The following ATP8A2 variants were observed in gnomAD, a reference collection of about 807,000 sequenced individuals.
ATP8A2 encodes ATPase phospholipid transporting 8A2, also known as phospholipid-transporting ATPase IB.
ATP8A2 carries 100 observed loss-of-function variants against 165.6 expected under a neutral mutation model. That is an observed-to-expected ratio of 0.60 (90% CI 0.51 to 0.71). The LOEUF is 0.71. ATP8A2 is among the 30% of genes least tolerant of loss of function. The pLI is 0.00. For synonymous variants in ATP8A2, 543 were observed against 548.8 expected, an observed-to-expected ratio of 0.99 and a Z score of 0.15; for missense variants, 1,227 against 1,479.5, an observed-to-expected ratio of 0.83 and a Z score of 2.80.
At chr13:25,411,645 A>T (rs112357856) in intron 1 of ATP8A2, among the ~76,000 whole-genome samples, 3 of 152,236 alleles carry the variant, frequency 2.0e-5, no homozygotes, top group African/African-American at 4.8e-5. Flanking sequence ...TGTTTTAAAA[A>T]AATACTGCAT....
At chr13:25,686,306 G>A (rs1469133821) in intron 24 of ATP8A2, among the ~76,000 whole-genome samples, 1 of 152,176 alleles carries the variant, frequency 6.6e-6, no homozygotes, top group Non-Finnish European at 1.5e-5. Flanking sequence ...TGAGGGGCAG[G>A]AACATGATGC....
In ATP8A2 at chr13:25,555,077, GC is replaced by G. The variant is rs1426917266; in HGVS notation, c.1263+11del. On this transcript the variant is annotated intron_variant, in intron 13 of 36. Coordinates refer to ENST00000381655, the MANE Select transcript of ATP8A2 (RefSeq NM_016529.6). ...ATGAAGAGCTTGGGCAGGTGAAAAA[GC>G]CTCTGGGAACTTTGGGAATGGTGAC... The G allele has an allele frequency of 1.9e-6, 3 of 1,604,230 alleles. No individual in the cohort carries two copies. The South Asian group carries it at 3.3e-5, about 18-fold the overall frequency.
intron 27 of ATP8A2, among the ~76,000 whole-genome samples, chr13:25,784,697 A>T (rs888981733): frequency 6.6e-6 from 1 of 152,142 alleles, no homozygotes; most frequent in Non-Finnish European, 1.5e-5. Flanking sequence ...TTCTTATCCA[A>T]CTGAAATCTT....
At position 25,681,548 on chromosome 13, in the gene ATP8A2, A is replaced by G. The variant is rs368515224; in HGVS notation, c.2212-17625A>G. 5.0e-4 allele frequency among the ~76,000 whole-genome samples: 76 copies of G among 152,302 alleles called. No individual in the cohort carries two copies. The East Asian group carries it at 0.011, about 22-fold the overall frequency. On this transcript the variant is annotated intron_variant, in intron 24 of 36. Coordinates refer to ENST00000381655, the MANE Select transcript of ATP8A2 (RefSeq NM_016529.6). Reference sequence around the variant, plus strand: ...GTTCAGTCCACGCAGGGAAACGTGCAGGCAGGGAGCTGGTCCGAGACGTCT... The same window carrying G: ...GTTCAGTCCACGCAGGGAAACGTGCGGGCAGGGAGCTGGTCCGAGACGTCT...
intron 1 of ATP8A2, among the ~76,000 whole-genome samples, chr13:25,457,935 T>C (rs1379528550): frequency 6.6e-6 from 1 of 152,228 alleles, no homozygotes; most frequent in Non-Finnish European, 1.5e-5. Context: ...CTTGCTCAAA[T>C]CTGACTGCAT....
intron 28 of ATP8A2, among the ~76,000 whole-genome samples, chr13:25,834,139 T>G (rs1362661209): frequency 2.0e-5 from 3 of 152,182 alleles, no homozygotes; most frequent in Non-Finnish European, 2.9e-5. Context: ...CAAATCCAGA[T>G]AACCAACAAT....
chr13:25,585,708 CTG>C (rs1566301929), intron 23 of ATP8A2, among the ~76,000 whole-genome samples: 1 of 152,144 alleles, frequency 6.6e-6, no homozygotes, highest in African/African-American at 2.4e-5. Context: ...CTTGCCCCTC[CTG>C]TAATTGCCTG....
Position 25,570,846 on chromosome 13 carries a change from A to T in ATP8A2, c.1553A>T (p.Asn518Ile). 1 of 1,613,570 alleles carries T rather than the reference A, an allele frequency of 6.2e-7. No homozygotes were observed. Among genetic ancestry groups the T allele is most frequent in the Non-Finnish European group, 8.5e-7 (1 of 1,179,600 alleles). The change falls in exon 17 of 37, where the codon AAC becomes ATC. Residue 518 changes from asparagine (N) to isoleucine (I), a missense_variant. Coordinates refer to ENST00000381655, the MANE Select transcript of ATP8A2 (RefSeq NM_016529.6). ...HTVVPEKDGD[N>I]IIYQASSPDE... ...GTTGTTCCTGAGAAGGATGGAGATA[A>T]CATCATCTACCAGGCCTCTTCCCCA... is the stretch of plus-strand genomic sequence containing the variant.
Position 25,974,586 on chromosome 13 carries a change from CT to C in ATP8A2, c.3377+5908del, listed in dbSNP as rs1371186340. Among the ~76,000 whole-genome samples the C allele has an allele frequency of 6.6e-5, 10 of 152,218 alleles. No homozygotes were observed. In the South Asian group the frequency reaches 2.1e-3, roughly 32 times the overall value. ...AAGAGGACAGTGTACCCAGTCCAGG[CT>C]GTCCCTTCTGCCCCAGGATCTCTCG... On this transcript the variant is annotated intron_variant, in intron 35 of 36. Coordinates refer to ENST00000381655, the MANE Select transcript of ATP8A2 (RefSeq NM_016529.6).
intron 14 of ATP8A2, 58 bp from the exon 15 acceptor site, chr13:25,559,663 G>A: frequency 1.6e-6 from 2 of 1,276,514 alleles, no homozygotes; most frequent in South Asian, 1.2e-5. Flanking sequence ...GTTTTGATCA[G>A]AATGTCTGTC....
At chr13:25,638,192 A>C (rs1023840807) in intron 24 of ATP8A2, among the ~76,000 whole-genome samples, 2 of 152,188 alleles carry the variant, frequency 1.3e-5, no homozygotes, top group Non-Finnish European at 2.9e-5. Context: ...TTCTAAAAAT[A>C]AGAGCACCTC....
chr13:25,902,457 AATAGAGT>A (rs1378052261), intron 33 of ATP8A2, among the ~76,000 whole-genome samples: 2 of 152,270 alleles, frequency 1.3e-5, no homozygotes, highest in Middle Eastern at 3.4e-3. Flanking sequence ...GTGGGCAAAG[AATAGAGT>A]ATAAATATTA....
intron 1 of ATP8A2, among the ~76,000 whole-genome samples, chr13:25,468,565 AGGGTACGCTCGGCCAGATGGCTGGGGGT>A: frequency 6.6e-6 from 1 of 152,160 alleles, no homozygotes; most frequent in South Asian, 2.1e-4. Context: ...CCGGGACTAG[AGGGTACGCTCGGCCAGATGGCTGGGGGT>A]GCCGCTGGCC....
At chr13:25,765,005 T>G (rs143795735) in intron 25 of ATP8A2, among the ~76,000 whole-genome samples, 33 of 152,318 alleles carry the variant, frequency 2.2e-4, no homozygotes, top group Admixed American at 5.2e-4. Flanking sequence ...ATCAGATAAA[T>G]TAGTGTATGA....
intron 1 of ATP8A2, among the ~76,000 whole-genome samples, chr13:25,425,712 C>T (rs191946634): frequency 1.9e-4 from 29 of 152,192 alleles, no homozygotes; most frequent in Admixed American, 1.7e-3. Context: ...GTAGCTGGGA[C>T]TACAAGTGCC....
intron 35 of ATP8A2, among the ~76,000 whole-genome samples, chr13:25,980,450 T>C (rs1342054124): frequency 6.6e-6 from 1 of 151,972 alleles, no homozygotes; most frequent in African/African-American, 2.4e-5. Flanking sequence ...TAAGAAGGCC[T>C]GTAGGGGGAG....
chr13:25,920,232 G>A (rs528590451), intron 33 of ATP8A2, among the ~76,000 whole-genome samples: 12 of 152,192 alleles, frequency 7.9e-5, no homozygotes, highest in South Asian at 2.1e-4. Flanking sequence ...CATTGAGCCC[G>A]TAGATACTGG....
chr13:25,639,805 T>C (rs560532696), intron 24 of ATP8A2, among the ~76,000 whole-genome samples: 1 of 152,310 alleles, frequency 6.6e-6, no homozygotes, highest in Admixed American at 6.5e-5. Context: ...TATACATTAC[T>C]CTCAGCACCA....
At chr13:25,460,350 C>T (rs932479331) in intron 1 of ATP8A2, among the ~76,000 whole-genome samples, 4 of 152,160 alleles carry the variant, frequency 2.6e-5, no homozygotes, top group Non-Finnish European at 4.4e-5. Context: ...AAGCTGGTGT[C>T]CCTAACTTGG....
Sources: gnomAD v4.1 joint callset for allele counts (sites outside exome capture counted in the v4.1 genomes callset) on GRCh38, gnomAD v4.1.1 for gene constraint, MANE v1.5 for transcripts, NCBI Gene and HGNC (gene_info 2026-07-23, HGNC 2026-07-21) for gene names.